Variants in CLPB observed in about 807,000 individuals in gnomAD.
CLPB encodes the protein ClpB family mitochondrial disaggregase, also known as mitochondrial disaggregase.
CLPB carries 40 observed loss-of-function variants against 78.4 expected under a neutral mutation model. The observed-to-expected ratio is 0.51, with a 90% CI of 0.40 to 0.66. The LOEUF is 0.66. Ranked by LOEUF, CLPB falls within the 30% of genes least tolerant of loss-of-function variation. CLPB has a pLI of 0.00. For missense variants in CLPB, 780 were observed against 886.9 expected (o/e 0.88, Z 1.53); for synonymous variants, 333 against 348.0 (o/e 0.96, Z 0.48).
rs571326442 is a variant in CLPB, at chr11:72,358,992, C to T, written c.663G>A (p.Glu221=). 5.6e-5 allele frequency: 91 copies of T among 1,613,618 alleles called. No individual in the cohort carries two copies. In the South Asian group the frequency reaches 9.6e-4, roughly 17 times the overall value. ...IHSLEVLITR[E]DDFNNRLNNR... Reference sequence around the variant, plus strand: ...TGTTCAGCCTGTTGTTGAAGTCATCCTCTCGGGTGATCAGGACTGGGGAGA... The same window carrying T: ...TGTTCAGCCTGTTGTTGAAGTCATCTTCTCGGGTGATCAGGACTGGGGAGA... The change falls in exon 5 of 16, where the codon GAG becomes GAA. Residue 221 remains glutamate (E), a synonymous_variant. Coordinates refer to ENST00000538039, the MANE Select transcript of CLPB (RefSeq NM_001258392.3).
chr11:72,420,323 G>A (rs1856155693), intron 2 of CLPB, among the ~76,000 whole-genome samples: 1 of 152,078 alleles, frequency 6.6e-6, no homozygotes, highest in South Asian at 2.1e-4. Flanking sequence ...GTGAAACTCC[G>A]TCTCTACTAA....
intron 6 of CLPB, among the ~76,000 whole-genome samples, chr11:72,326,528 A>G (rs2135544704): frequency 6.6e-6 from 1 of 152,360 alleles, no homozygotes; most frequent in East Asian, 1.9e-4. Context: ...CAAGTTTTCT[A>G]TGAGCATAAT....
In CLPB at chr11:72,291,007, T is replaced by C. The variant is rs1949444744; in HGVS notation, c.*2360A>G. On this transcript the variant is annotated 3_prime_UTR_variant, in exon 16 of 16. Transcript: ENST00000538039. ...ACCCTCCGCTAGGAGGCACTAAGAATAGCACAGTATCACTTCTGTGGTTGT... is the reference window on the plus strand; with the variant it reads ...ACCCTCCGCTAGGAGGCACTAAGAACAGCACAGTATCACTTCTGTGGTTGT... The C allele has an allele frequency of 1.3e-5, 2 of 149,938 alleles. No homozygotes were observed. Among genetic ancestry groups the C allele is most frequent in the Non-Finnish European group, 3.0e-5 (2 of 67,670 alleles). The allele number at this position is 149,938 out of a possible 1,614,324, so 9.3% of individuals were successfully genotyped here.
In CLPB at chr11:72,405,280, G is replaced by T. The variant is rs1324174829; in HGVS notation, c.456-2228C>A. 2.8e-4 allele frequency among the ~76,000 whole-genome samples: 43 copies of T among 152,342 alleles called. 1 individual carries two copies. The highest frequency in any genetic ancestry group is 2.8e-3 in the Admixed American group (43 of 15,308). On this transcript the variant is annotated intron_variant, in intron 2 of 15. Coordinates refer to ENST00000538039, the MANE Select transcript of CLPB (RefSeq NM_001258392.3). Reference sequence around the variant, plus strand: ...CATCTGGGTGACAGTTCACAGCAGAGAAACAGACAGCTGCTGAGGCATGCA... The same window carrying T: ...CATCTGGGTGACAGTTCACAGCAGATAAACAGACAGCTGCTGAGGCATGCA...
At chr11:72,358,550 GA>G (rs1410278766) in intron 5 of CLPB, among the ~76,000 whole-genome samples, 18 of 152,204 alleles carry the variant, frequency 1.2e-4, no homozygotes, top group African/African-American at 4.1e-4. Context: ...CACTTTTAGG[GA>G]TAGCAAGAGT....
chr11:72,399,555 T>C (rs955399525), intron 3 of CLPB, among the ~76,000 whole-genome samples: 2 of 152,332 alleles, frequency 1.3e-5, no homozygotes, highest in African/African-American at 2.4e-5. Context: ...AAAATGTACA[T>C]ACAGACCTAG....
At chr11:72,380,676 A>G (rs112852961) in intron 3 of CLPB, among the ~76,000 whole-genome samples, 3 of 152,306 alleles carry the variant, frequency 2.0e-5, no homozygotes, top group African/African-American at 7.2e-5. Context: ...TCATTTTTAA[A>G]AAAAAAGGCA....
Position 72,312,734 on chromosome 11 carries a change from A to C in CLPB, c.989-4130T>G, listed in dbSNP as rs1949869656. Among the ~76,000 whole-genome samples, 1 of 152,162 alleles carries C rather than the reference A, an allele frequency of 6.6e-6. No homozygotes were observed. Among genetic ancestry groups the C allele is most frequent in the African/African-American group, 2.4e-5 (1 of 41,428 alleles). ...ACTTTCTTCTAAATCCTTCTCCAGG[A>C]AGCCTTATGTATTTGTTTAGCAAAA... On this transcript the variant is annotated intron_variant, in intron 7 of 15. Coordinates refer to ENST00000538039, the MANE Select transcript of CLPB (RefSeq NM_001258392.3). The surrounding 1 kb of genome is among the most constrained non-coding windows in gnomAD (Gnocchi z 4.2).
chr11:72,392,461 G>A (rs1463962121), intron 3 of CLPB, among the ~76,000 whole-genome samples: 5 of 152,178 alleles, frequency 3.3e-5, no homozygotes, highest in Non-Finnish European at 7.4e-5. Context: ...ATGGGGACAT[G>A]AGCTGAGAGT....
chr11:72,319,644 A>G (rs1175820125), intron 6 of CLPB, among the ~76,000 whole-genome samples: 1 of 152,220 alleles, frequency 6.6e-6, no homozygotes, highest in African/African-American at 2.4e-5. Flanking sequence ...AACGCAGGAT[A>G]GTATTCATAG....
At position 72,302,331 on chromosome 11, in the gene CLPB, G is replaced by T. The variant is rs200950385; in HGVS notation, c.1140C>A (p.Asp380Glu). The change falls in exon 10 of 16, where the codon GAC becomes GAA. Residue 380 changes from aspartate (D) to glutamate (E), a missense_variant. Transcript: ENST00000538039. ...CGTGTCGCTCCTGGAACTCGGACAT[G>T]TCCAGCCTGATGAAGCCCTGTGTGG... Reference protein sequence around the residue: ...KDAKKGFIRLDMSEFQERHEV... With the variant: ...KDAKKGFIRLEMSEFQERHEV... The T allele has an allele frequency of 1.9e-6, 3 of 1,614,116 alleles. No individual in the cohort carries two copies. The highest frequency in any genetic ancestry group is 2.5e-6 in the Non-Finnish European group (3 of 1,180,002).
At chr11:72,332,554 A>G (rs1308447594) in intron 5 of CLPB, among the ~76,000 whole-genome samples, 2 of 152,110 alleles carry the variant, frequency 1.3e-5, no homozygotes, top group Non-Finnish European at 2.9e-5. Context: ...AAGGAGGTAT[A>G]CAATTCAGTG....
intron 1 of CLPB, among the ~76,000 whole-genome samples, chr11:72,431,520 C>A (rs1474861675): frequency 6.6e-6 from 1 of 152,220 alleles, no homozygotes; most frequent in African/African-American, 2.4e-5. Flanking sequence ...TACACCTTAT[C>A]ATGCATATGA....
chr11:72,404,105 C>T (rs984066953), intron 2 of CLPB, among the ~76,000 whole-genome samples: 1 of 152,208 alleles, frequency 6.6e-6, no homozygotes, highest in African/African-American at 2.4e-5. Context: ...CTCCTTCTCA[C>T]CTCACCACCC....
chr11:72,429,808 C>A (rs1856492665), intron 2 of CLPB, among the ~76,000 whole-genome samples: 1 of 152,216 alleles, frequency 6.6e-6, no homozygotes, highest in South Asian at 2.1e-4. Context: ...GCCAGTGAAG[C>A]TACAGAAATG....
intron 2 of CLPB, among the ~76,000 whole-genome samples, chr11:72,423,052 A>G (rs980357385): frequency 6.6e-6 from 1 of 152,180 alleles, no homozygotes; most frequent in Non-Finnish European, 1.5e-5. Context: ...TTTTTTCCCC[A>G]AAGCCATCTA....
intron 1 of CLPB, among the ~76,000 whole-genome samples, chr11:72,431,111 G>C (rs145338660): frequency 6.6e-6 from 1 of 152,220 alleles, no homozygotes; most frequent in East Asian, 1.9e-4. Context: ...GAAAAGCAAC[G>C]CTAGCTAAGT....
chr11:72,390,099 G>A (rs1304536283), intron 3 of CLPB, among the ~76,000 whole-genome samples: 1 of 152,050 alleles, frequency 6.6e-6, no homozygotes, highest in Admixed American at 6.6e-5. Context: ...TAGTCTGTAG[G>A]AGCACTTTGC....
intron 5 of CLPB, among the ~76,000 whole-genome samples, chr11:72,353,415 C>G (rs1449748494): frequency 6.6e-6 from 1 of 152,130 alleles, no homozygotes; most frequent in African/African-American, 2.4e-5. Flanking sequence ...GGTAGCCAGG[C>G]AGAGGTGGCT....
Sources: allele counts gnomAD v4.1 joint callset (sites outside exome capture counted in the v4.1 genomes callset), GRCh38; gene constraint gnomAD v4.1.1; non-coding constraint Gnocchi (gnomAD v3.1); transcripts MANE v1.5; gene names NCBI Gene and HGNC (gene_info 2026-07-23, HGNC 2026-07-21).